EML1: variants seen among roughly 807,000 people sequenced by gnomAD.
EML1 encodes echinoderm microtubule-associated protein-like 1.
A neutral mutation model predicts 110.4 loss-of-function variants in EML1; 27 were observed. That is an observed-to-expected ratio of 0.24 (90% CI 0.18 to 0.34). EML1 has a LOEUF of 0.34. Among genes scored for constraint, EML1 ranks in the 10% least tolerant of loss-of-function variants. EML1 has a pLI of 1.00. For synonymous variants in EML1, 344 were observed against 385.8 expected, an observed-to-expected ratio of 0.89 and a Z score of 1.27; for missense variants, 741 against 1,030.9, an observed-to-expected ratio of 0.72 and a Z score of 3.85.
At chr14:99,848,839 T>C (rs1951571) in intron 1 of EML1, among the ~76,000 whole-genome samples, 4,816 of 151,856 alleles carry the variant, frequency 0.032, 117 homozygotes, top group African/African-American at 0.073. Flanking sequence ...GGGGTGCGCC[T>C]GTAGTCCCAG....
chr14:99,779,546 T>C (rs1476404665), intron 1 of EML1, among the ~76,000 whole-genome samples: 1 of 152,186 alleles, frequency 6.6e-6, no homozygotes, highest in African/African-American at 2.4e-5. Context: ...AAACAGTACC[T>C]GCAAGTCCTG....
chr14:99,854,378 A>T (rs1398137407), intron 2 of EML1, among the ~76,000 whole-genome samples: 1 of 152,252 alleles, frequency 6.6e-6, no homozygotes, highest in Admixed American at 6.5e-5. Flanking sequence ...CTGCAGGTTC[A>T]TGGAAATAAT....
At chr14:99,850,524 C>T (rs945386969) in intron 1 of EML1, among the ~76,000 whole-genome samples, 48 of 152,200 alleles carry the variant, frequency 3.2e-4, no homozygotes, top group African/African-American at 1.1e-3. Context: ...TTGAAGTGGA[C>T]GTATTCTAAC....
chr14:99,805,598 C>G (rs1472356967), intron 1 of EML1, among the ~76,000 whole-genome samples: 1 of 152,118 alleles, frequency 6.6e-6, no homozygotes, highest in Non-Finnish European at 1.5e-5. Context: ...CATCAGCCTC[C>G]TAAGTAGCTG....
chr14:99,850,811 C>CGGGGAACACTTAAAGCTCA (rs748126480), intron 1 of EML1, 42 bp from the exon 2 acceptor site: 1 of 1,594,436 alleles, frequency 6.3e-7, no homozygotes, highest in Admixed American at 1.7e-5. Flanking sequence ...ATCTGATTTC[C>CGGGGAACACTTAAAGCTCA]GGGGAACACT....
chr14:99,748,365 A>G (rs933148525), intron 1 of EML1, among the ~76,000 whole-genome samples: 2 of 151,724 alleles, frequency 1.3e-5, no homozygotes, highest in Admixed American at 6.5e-5. Context: ...GGGAGGGGCC[A>G]GCGATGCTCA....
chr14:99,869,850 A>T (rs914480927), intron 3 of EML1, among the ~76,000 whole-genome samples: 1 of 152,348 alleles, frequency 6.6e-6, no homozygotes, highest in Non-Finnish European at 1.5e-5. Context: ...CTCTCTTGCC[A>T]AAGGACGTGC....
chr14:99,773,241 A>G (rs2057444736), exon 1 of EML1: 1 of 152,256 alleles, frequency 6.6e-6, no homozygotes, highest in South Asian at 2.1e-4. Flanking sequence ...CCCTCATTTC[A>G]TAAAAGCAAG....
At chr14:99,845,752 GA>G (rs1473838275) in intron 1 of EML1, among the ~76,000 whole-genome samples, 2 of 152,144 alleles carry the variant, frequency 1.3e-5, no homozygotes, top group African/African-American at 4.8e-5. Context: ...CTGTTACTTA[GA>G]AAATTGACAG....
chr14:99,754,486 G>T (rs1158952411), intron 1 of EML1, among the ~76,000 whole-genome samples: 1 of 152,202 alleles, frequency 6.6e-6, no homozygotes, highest in African/African-American at 2.4e-5. Context: ...CTCCCTGTGT[G>T]GGAGGAGTAG....
chr14:99,782,457 C>T (rs775408296), intron 1 of EML1, among the ~76,000 whole-genome samples: 4 of 152,212 alleles, frequency 2.6e-5, no homozygotes, highest in East Asian at 3.9e-4. Context: ...GTGAGACCCT[C>T]GGGTGTGGGA....
upstream of EML1, among the ~76,000 whole-genome samples, chr14:99,790,866 CT>C (rs58349128): frequency 7.0e-6 from 1 of 142,772 alleles, no homozygotes; most frequent in Non-Finnish European, 1.5e-5. Flanking sequence ...TTTTCTTTTC[CT>C]TTTTTTTTGT....
intron 2 of EML1, among the ~76,000 whole-genome samples, chr14:99,859,391 G>T (rs1328592369): frequency 6.6e-6 from 1 of 152,068 alleles, no homozygotes; most frequent in Non-Finnish European, 1.5e-5. Context: ...GGGTTGGTAG[G>T]GTCTGTTCTC....
At chr14:99,814,524 C>T (rs181268515) in intron 1 of EML1, among the ~76,000 whole-genome samples, 27 of 152,062 alleles carry the variant, frequency 1.8e-4, no homozygotes, top group African/African-American at 6.3e-4. Context: ...CTTGGCCTGC[C>T]GAAGTGCTGA....
intron 3 of EML1, among the ~76,000 whole-genome samples, chr14:99,874,694 G>A (rs531476782): frequency 6.6e-6 from 1 of 152,182 alleles, no homozygotes; most frequent in South Asian, 2.1e-4. Context: ...TTCTACGTCT[G>A]GGACAACAGT....
chr14:99,769,561 G>T (rs2057401886), upstream of EML1, among the ~76,000 whole-genome samples: 1 of 152,192 alleles, frequency 6.6e-6, no homozygotes, highest in African/African-American at 2.4e-5. Flanking sequence ...TCAATGGTTT[G>T]TCAATCTGAT....
Position 99,804,693 on chromosome 14 carries a change from C to G in EML1, c.67+11150C>G, listed in dbSNP as rs142354325. Among the ~76,000 whole-genome samples the G allele has an allele frequency of 1.3e-3, 192 of 152,354 alleles. 1 individual carries two copies. Among genetic ancestry groups the G allele is most frequent in the African/African-American group, 4.1e-3 (172 of 41,582 alleles). On this transcript the variant is annotated intron_variant, in intron 1 of 21. Transcript: ENST00000262233. Reference sequence around the variant, plus strand: ...GCCCTTGCCTGTAGGAGAGGCCACACATGGTTTACAAGTGCAGAGCAAAGG... The same window carrying G: ...GCCCTTGCCTGTAGGAGAGGCCACAGATGGTTTACAAGTGCAGAGCAAAGG...
intron 1 of EML1, among the ~76,000 whole-genome samples, chr14:99,779,624 C>T (rs942902966): frequency 1.3e-5 from 2 of 152,230 alleles, no homozygotes; most frequent in Non-Finnish European, 2.9e-5. Context: ...ACCTCTAGGT[C>T]TTTCCACAAG....
Position 99,940,271 on chromosome 14 carries a change from C to A in EML1, c.*159C>A. 1.0e-6 allele frequency: 1 copy of A among 979,020 alleles called. No individual in the cohort carries two copies. Among genetic ancestry groups the A allele is most frequent in the Non-Finnish European group, 1.4e-6 (1 of 722,720 alleles). 60.6% of individuals were successfully genotyped at this position (979,020 alleles called of 1,614,324 possible). On this transcript the variant is annotated 3_prime_UTR_variant, in exon 22 of 22. Coordinates refer to ENST00000262233, the MANE Select transcript of EML1 (RefSeq NM_004434.3). ...CTTAGCTTAGCGTGTCAGCGGGCGC[C>A]ACAGCGGATCAGCGGTTCCGTGTTC... is the stretch of plus-strand genomic sequence containing the variant.
Sources: allele counts gnomAD v4.1 joint callset (sites outside exome capture counted in the v4.1 genomes callset), GRCh38; gene constraint gnomAD v4.1.1; transcripts MANE v1.5; gene names NCBI Gene and HGNC (gene_info 2026-07-23, HGNC 2026-07-21).